MYOM1: variants seen among roughly 807,000 people sequenced by gnomAD.
MYOM1 encodes myomesin-1.
Under a neutral mutation model 205.3 loss-of-function variants are expected in MYOM1, and 164 were observed. The ratio of observed to expected loss-of-function variants is 0.80; its 90% confidence interval spans 0.70 to 0.91. The LOEUF (loss-of-function observed/expected upper bound fraction) is 0.91. Ranked by LOEUF, MYOM1 falls within the 40% of genes least tolerant of loss-of-function variation. The pLI is 0.00. For synonymous variants in MYOM1, 772 were observed against 789.4 expected, an observed-to-expected ratio of 0.98 and a Z score of 0.37; for missense variants, 2,011 against 2,127.3, an observed-to-expected ratio of 0.95 and a Z score of 1.08.
intron 18 of MYOM1, among the ~76,000 whole-genome samples, chr18:3,129,030 G>T (rs2079835660): frequency 6.6e-6 from 1 of 152,212 alleles, no homozygotes; most frequent in African/African-American, 2.4e-5. Context: ...CACCCAAAAT[G>T]ATGTGTACAA....
At chr18:3,225,282 A>C in the MYOM1 span, among the ~76,000 whole-genome samples, 25 of 151,928 alleles carry the variant, frequency 1.6e-4, no homozygotes, top group Non-Finnish European at 2.4e-4. Flanking sequence ...CCACCGTGCC[A>C]GGCCTGGGAT....
chr18:3,181,345 G>A (rs1460732184), intron 5 of MYOM1, among the ~76,000 whole-genome samples: 4 of 152,218 alleles, frequency 2.6e-5, no homozygotes, highest in Non-Finnish European at 5.9e-5. Flanking sequence ...GATTGAGAGA[G>A]AGAGAGAGAT....
At chr18:3,228,798 C>T in the MYOM1 span, among the ~76,000 whole-genome samples, 5 of 152,308 alleles carry the variant, frequency 3.3e-5, no homozygotes, top group South Asian at 2.1e-4. The surrounding 1 kb of genome is among the most constrained non-coding windows in gnomAD (Gnocchi z 4.5). Context: ...CCACTGACCT[C>T]TGTCTCTACA....
intron 2 of MYOM1, among the ~76,000 whole-genome samples, chr18:3,202,107 AG>A (rs1471139987): frequency 1.3e-5 from 2 of 152,236 alleles, no homozygotes; most frequent in Admixed American, 6.5e-5. Context: ...ACTGGTATTC[AG>A]TGAGTATATA....
intron 2 of MYOM1, among the ~76,000 whole-genome samples, chr18:3,214,626 C>G (rs1255862855): frequency 1.3e-5 from 2 of 152,090 alleles, no homozygotes; most frequent in Non-Finnish European, 2.9e-5. Context: ...GGGCTCAAAA[C>G]CAGCCTAGCC....
At chr18:3,213,674 A>C (rs941500776) in intron 2 of MYOM1, among the ~76,000 whole-genome samples, 1 of 152,218 alleles carries the variant, frequency 6.6e-6, no homozygotes, top group African/African-American at 2.4e-5. Context: ...TCTTTGAGTG[A>C]CTATAGATTC....
At chr18:3,157,680 AAAT>A (rs55669820) in intron 10 of MYOM1, among the ~76,000 whole-genome samples, 17,705 of 139,480 alleles carry the variant, frequency 0.13, 1,214 homozygotes, top group Admixed American at 0.18. Flanking sequence ...TTGTCTCCAA[AAAT>A]AATAATAATA....
Position 3,163,189 on chromosome 18 carries a change from T to C in MYOM1, c.1501+1089A>G, listed in dbSNP as rs558835662. ...CAGTTATGGGCCAAGGGACCTGAAATGAAATAATAAATTTACTCTCTGAAA... is the reference window on the plus strand; with the variant it reads ...CAGTTATGGGCCAAGGGACCTGAAACGAAATAATAAATTTACTCTCTGAAA... On this transcript the variant is annotated intron_variant, in intron 10 of 37. Coordinates refer to ENST00000356443, the MANE Select transcript of MYOM1 (RefSeq NM_003803.4). 2.9e-3 allele frequency among the ~76,000 whole-genome samples: 442 copies of C among 152,264 alleles called. 2 individuals carry two copies. The highest frequency in any genetic ancestry group is 5.1e-3 in the Non-Finnish European group (349 of 68,014).
At chr18:3,140,056 A>G (rs1019282889) in intron 14 of MYOM1, among the ~76,000 whole-genome samples, 3 of 152,200 alleles carry the variant, frequency 2.0e-5, no homozygotes, top group Admixed American at 2.0e-4. Context: ...TATTAAACAC[A>G]CTAGGAAATG....
At chr18:3,099,096 G>A (rs1208370207) in intron 25 of MYOM1, among the ~76,000 whole-genome samples, 1 of 152,208 alleles carries the variant, frequency 6.6e-6, no homozygotes. Flanking sequence ...TGGGAGTACA[G>A]GTGTGAACCG....
intron 12 of MYOM1, among the ~76,000 whole-genome samples, chr18:3,150,420 T>C (rs1446343200): frequency 6.6e-6 from 1 of 151,620 alleles, no homozygotes; most frequent in African/African-American, 2.4e-5. Flanking sequence ...AGGTAAAGAA[T>C]AACATTGTGA....
At chr18:3,242,132 T>TG in the MYOM1 span, among the ~76,000 whole-genome samples, 1 of 152,076 alleles carries the variant, frequency 6.6e-6, no homozygotes, top group Admixed American at 6.6e-5. Flanking sequence ...AATAACACTT[T>TG]GGGGGGCTGC....
At chr18:3,087,303 A>G (rs574478440) in intron 29 of MYOM1, among the ~76,000 whole-genome samples, 76 of 148,958 alleles carry the variant, frequency 5.1e-4, no homozygotes, top group African/African-American at 1.8e-3. Flanking sequence ...TCCTCAGGGC[A>G]TGAAGTTTTT....
intron 13 of MYOM1, among the ~76,000 whole-genome samples, chr18:3,148,536 T>C (rs2080162684): frequency 6.6e-6 from 1 of 151,886 alleles, no homozygotes; most frequent in South Asian, 2.1e-4. Flanking sequence ...GGGTGACAAA[T>C]ACGTTCATTA....
In MYOM1 at chr18:3,209,693, A is replaced by T. The variant is rs2081168311; in HGVS notation, c.290+5241T>A. On this transcript the variant is annotated intron_variant, in intron 2 of 37. Transcript: ENST00000356443. The surrounding 1 kb of genome is among the most constrained non-coding windows in gnomAD (Gnocchi z 4.0). ...TGATGCCTGGTGCACCTTTACCCAG[A>T]TAACCTCATGGCTACCTCTCTGAGC... Among the ~76,000 whole-genome samples the T allele has an allele frequency of 1.3e-5, 2 of 152,108 alleles. No homozygotes were observed. Among genetic ancestry groups the T allele is most frequent in the Admixed American group, 1.3e-4 (2 of 15,278 alleles).
chr18:3,156,988 T>C (rs1041036526), intron 10 of MYOM1, among the ~76,000 whole-genome samples: 4 of 152,224 alleles, frequency 2.6e-5, no homozygotes, highest in South Asian at 2.1e-4. Flanking sequence ...AGAGCAGAGC[T>C]GCAGAGGAGG....
intron 13 of MYOM1, among the ~76,000 whole-genome samples, chr18:3,144,880 C>T (rs2143955933): frequency 6.6e-6 from 1 of 152,324 alleles, no homozygotes; most frequent in East Asian, 1.9e-4. Flanking sequence ...TTGGCTATTT[C>T]ATCACTACTC....
chr18:3,140,280 G>A (rs1361788699), intron 14 of MYOM1, among the ~76,000 whole-genome samples: 3 of 151,936 alleles, frequency 2.0e-5, no homozygotes, highest in Non-Finnish European at 1.5e-5. Context: ...GGTGGCTCAC[G>A]CCTGTAATCC....
At chr18:3,077,074 G>T (rs1197522799) in intron 34 of MYOM1, among the ~76,000 whole-genome samples, 1 of 151,022 alleles carries the variant, frequency 6.6e-6, no homozygotes. Flanking sequence ...GTGCAGTAGT[G>T]CAATCATAGC....
Sources: allele counts gnomAD v4.1 joint callset (sites outside exome capture counted in the v4.1 genomes callset), GRCh38; gene constraint gnomAD v4.1.1; non-coding constraint Gnocchi (gnomAD v3.1); transcripts MANE v1.5; gene names NCBI Gene and HGNC (gene_info 2026-07-23, HGNC 2026-07-21).